Variants in LRP1B observed in about 807,000 individuals in gnomAD.
LRP1B encodes low-density lipoprotein receptor-related protein 1B.
A neutral mutation model predicts 556.6 loss-of-function variants in LRP1B; 217 were observed. That is an observed-to-expected ratio of 0.39 (90% CI 0.35 to 0.44). The LOEUF is 0.44. LRP1B is among the 20% of genes least tolerant of loss of function. The pLI, the probability that LRP1B is intolerant of heterozygous loss-of-function variation, is 1.00. For synonymous variants in LRP1B, 2,047 were observed against 1,865.8 expected, an observed-to-expected ratio of 1.10 and a Z score of -2.50; for missense variants, 5,053 against 5,620.8, an observed-to-expected ratio of 0.90 and a Z score of 3.23.
rs542677955 is a variant in LRP1B, at chr2:140,854,299, T to A, written c.4580-2516A>T. On this transcript the variant is annotated intron_variant, in intron 27 of 90. Transcript: ENST00000389484. ...TTAACACCCTACAATTATGAAAAAA[T>A]ATATATTTTTGAAGGCAGAGATATT... 3.9e-5 allele frequency among the ~76,000 whole-genome samples: 6 copies of A among 152,142 alleles called. No homozygotes were observed. In the East Asian group the frequency reaches 1.2e-3, roughly 29 times the overall value.
intron 67 of LRP1B, among the ~76,000 whole-genome samples, chr2:140,381,796 A>G (rs1683501961): frequency 1.4e-5 from 2 of 139,300 alleles, no homozygotes; most frequent in Admixed American, 7.9e-5. Context: ...CAAGAGACGG[A>G]GGTTGCAGTG....
chr2:141,158,642 CTCTTT>C (rs1702126202), intron 7 of LRP1B, among the ~76,000 whole-genome samples: 1 of 152,100 alleles, frequency 6.6e-6, no homozygotes. Flanking sequence ...TAAGTTATAT[CTCTTT>C]TCTTTTTTCT....
At chr2:140,733,507 A>G (rs925344745) in intron 35 of LRP1B, among the ~76,000 whole-genome samples, 1 of 152,180 alleles carries the variant, frequency 6.6e-6, no homozygotes, top group Non-Finnish European at 1.5e-5. Flanking sequence ...AAACTGGTGT[A>G]CTCACAAAAT....
chr2:141,592,517 G>A (rs1687377158), intron 2 of LRP1B, among the ~76,000 whole-genome samples: 1 of 152,062 alleles, frequency 6.6e-6, no homozygotes, highest in Non-Finnish European at 1.5e-5. Context: ...TGGTATCTTG[G>A]TGATTAGGTT....
At chr2:141,571,537 A>G (rs942777349) in intron 2 of LRP1B, among the ~76,000 whole-genome samples, 1 of 152,102 alleles carries the variant, frequency 6.6e-6, no homozygotes, top group African/African-American at 2.4e-5. Flanking sequence ...TCAAATGATC[A>G]TAATGTCTCT....
chr2:142,074,017 T>G (rs1041683839), intron 1 of LRP1B, among the ~76,000 whole-genome samples: 1 of 152,080 alleles, frequency 6.6e-6, no homozygotes. Context: ...CAGGTATTTC[T>G]TTACAGCAGT....
chr2:140,426,150 G>T (rs934468277), intron 66 of LRP1B, among the ~76,000 whole-genome samples: 4 of 152,162 alleles, frequency 2.6e-5, no homozygotes, highest in African/African-American at 9.7e-5. Context: ...GGAGGCGCTG[G>T]CTTGAGAGTG....
intron 23 of LRP1B, among the ~76,000 whole-genome samples, chr2:140,901,438 C>T (rs893338124): frequency 1.3e-5 from 2 of 151,728 alleles, no homozygotes; most frequent in Admixed American, 6.6e-5. Flanking sequence ...CCCCCTGTGC[C>T]AATGGCCCCA....
At chr2:141,307,308 GT>G (rs778050507) in intron 3 of LRP1B, among the ~76,000 whole-genome samples, 6 of 151,798 alleles carry the variant, frequency 4.0e-5, no homozygotes, top group Non-Finnish European at 8.8e-5. Context: ...GTGCATATAG[GT>G]TTAGAATATT....
chr2:141,648,709 T>C (rs1437143713), intron 2 of LRP1B, among the ~76,000 whole-genome samples: 1 of 152,194 alleles, frequency 6.6e-6, no homozygotes, highest in African/African-American at 2.4e-5. Flanking sequence ...TTTATGAAGA[T>C]ATTAGGAGTG....
intron 2 of LRP1B, among the ~76,000 whole-genome samples, chr2:141,645,286 C>A (rs1183068830): frequency 1.3e-5 from 2 of 152,012 alleles, no homozygotes; most frequent in Admixed American, 6.6e-5. Context: ...ACTAGATGAC[C>A]TTCAAAGTCC....
chr2:141,520,724 A>C (rs1169140236), intron 2 of LRP1B, among the ~76,000 whole-genome samples: 1 of 152,124 alleles, frequency 6.6e-6, no homozygotes, highest in Non-Finnish European at 1.5e-5. Flanking sequence ...ACTGCCAAAC[A>C]CACAAAAAAA....
chr2:142,031,189 G>T (rs1002428562), intron 1 of LRP1B, among the ~76,000 whole-genome samples: 5 of 151,670 alleles, frequency 3.3e-5, no homozygotes, highest in Non-Finnish European at 7.4e-5. Context: ...CTTCTTGTGT[G>T]TGTGTAATGA....
intron 1 of LRP1B, among the ~76,000 whole-genome samples, chr2:141,954,651 T>C (rs1051936905): frequency 1.3e-5 from 2 of 152,144 alleles, no homozygotes; most frequent in African/African-American, 4.8e-5. Flanking sequence ...TGTATTGTCT[T>C]AATCGTTGTT....
rs532162018 is a variant in LRP1B at position 141,953,383 on chromosome 2, G to A, written c.83-142982C>T. ...TGAAATGAGTATCAGTTTCTTCTAA[G>A]TCCAAGTATATTTAAAACTCAACTA... is the stretch of plus-strand genomic sequence containing the variant. On this transcript the variant is annotated intron_variant, in intron 1 of 90. Transcript: ENST00000389484. Among the ~76,000 whole-genome samples the A allele has an allele frequency of 2.0e-5, 3 of 152,074 alleles. No individual in the cohort carries two copies. The South Asian group carries it at 6.2e-4, about 32-fold the overall frequency.
At chr2:140,789,538 TC>T (rs1690032653) in intron 32 of LRP1B, among the ~76,000 whole-genome samples, 1 of 151,154 alleles carries the variant, frequency 6.6e-6, no homozygotes. Flanking sequence ...TCTCCCTTGA[TC>T]CTCCTCTTTT....
chr2:141,583,906 AT>A (rs113916906), intron 2 of LRP1B, among the ~76,000 whole-genome samples: 382 of 145,250 alleles, frequency 2.6e-3, no homozygotes, highest in African/African-American at 4.6e-3. Flanking sequence ...TGCCCGGCTA[AT>A]TTTTTTTTTT....
chr2:140,341,351 G>A (rs1254981923), intron 77 of LRP1B, among the ~76,000 whole-genome samples: 3 of 151,410 alleles, frequency 2.0e-5, no homozygotes, highest in Non-Finnish European at 3.0e-5. Flanking sequence ...GAAAAATAAA[G>A]GGGTCACCTT....
At chr2:141,865,824 T>G (rs1261944201) in intron 1 of LRP1B, among the ~76,000 whole-genome samples, 1 of 152,214 alleles carries the variant, frequency 6.6e-6, no homozygotes, top group Non-Finnish European at 1.5e-5. Flanking sequence ...CACAAGGTCA[T>G]GCTGGAAGGA....
Sources: allele counts gnomAD v4.1 joint callset (sites outside exome capture counted in the v4.1 genomes callset), GRCh38; gene constraint gnomAD v4.1.1; transcripts MANE v1.5; gene names NCBI Gene and HGNC (gene_info 2026-07-23, HGNC 2026-07-21).